Variants in MCUB observed in about 807,000 individuals in gnomAD.
MCUB encodes the protein calcium uniporter regulatory subunit MCUb, mitochondrial.
A neutral mutation model predicts 41.4 loss-of-function variants in MCUB; 46 were observed. The observed-to-expected ratio is 1.11, with a 90% confidence interval of 0.88 to 1.42. The LOEUF (loss-of-function observed/expected upper bound fraction) is 1.42. Ranked by LOEUF, MCUB falls within the 40% of genes most tolerant of loss-of-function variation. MCUB has a pLI of 0.00. For synonymous variants in MCUB, 148 were observed against 148.2 expected, an observed-to-expected ratio of 1.00 and a Z score of 0.01; for missense variants, 403 against 404.9, an observed-to-expected ratio of 1.00 and a Z score of 0.04.
At chr4:109,567,407 T>C (rs940577344) in intron 1 of MCUB, among the ~76,000 whole-genome samples, 1 of 152,040 alleles carries the variant, frequency 6.6e-6, no homozygotes, top group African/African-American at 2.4e-5. Flanking sequence ...AGTACATACA[T>C]GTTATGTACA....
intron 1 of MCUB, among the ~76,000 whole-genome samples, chr4:109,658,802 C>G (rs1338578289): frequency 1.3e-5 from 2 of 152,198 alleles, no homozygotes; most frequent in Non-Finnish European, 2.9e-5. Context: ...TGGTGTGCTA[C>G]TGCTACAGCA....
chr4:109,655,157 G>C (rs149264217), intron 1 of MCUB, among the ~76,000 whole-genome samples: 1 of 152,156 alleles, frequency 6.6e-6, no homozygotes, highest in African/African-American at 2.4e-5. Context: ...TATTCTAAAG[G>C]ATACAGCTAA....
intron 1 of MCUB, among the ~76,000 whole-genome samples, chr4:109,643,081 C>T (rs561124758): frequency 7.8e-4 from 118 of 151,922 alleles, no homozygotes; most frequent in Non-Finnish European, 1.5e-3. Flanking sequence ...ACGTGAGCCA[C>T]CGCACCCGGC....
intron 5 of MCUB, 101 bp from the exon 6 acceptor site, chr4:109,684,342 G>C: frequency 1.1e-6 from 1 of 888,634 alleles, no homozygotes; most frequent in Non-Finnish European, 1.7e-6. Flanking sequence ...GATTACAGGC[G>C]TGAGCCACCG....
intron 1 of MCUB, among the ~76,000 whole-genome samples, chr4:109,590,289 T>C (rs948446817): frequency 6.6e-6 from 1 of 152,234 alleles, no homozygotes; most frequent in Non-Finnish European, 1.5e-5. Context: ...ACAATTGTCA[T>C]TGCTCTATAA....
chr4:109,674,035 G>T (rs1362105478), intron 4 of MCUB: 1 of 1,320,648 alleles, frequency 7.6e-7, no homozygotes, highest in Non-Finnish European at 1.1e-6. Context: ...CCACATGCGT[G>T]TGGTAGCCCA....
intron 1 of MCUB, among the ~76,000 whole-genome samples, chr4:109,584,676 G>C (rs1269652321): frequency 6.6e-6 from 1 of 152,154 alleles, no homozygotes; most frequent in Non-Finnish European, 1.5e-5. Flanking sequence ...TGGTTTCAAA[G>C]AACATCTTTA....
chr4:109,603,609 G>A (rs1044079360), intron 1 of MCUB, among the ~76,000 whole-genome samples: 1 of 151,758 alleles, frequency 6.6e-6, no homozygotes, highest in African/African-American at 2.4e-5. Context: ...TGTCTGGGAG[G>A]TGAGGAGCGC....
At chr4:109,664,495 G>A in intron 4 of MCUB, 101 bp downstream of exon 4, 1 of 586,056 alleles carries the variant, frequency 1.7e-6, no homozygotes. Flanking sequence ...CGTCGTCATA[G>A]CTCACTGTAA....
intron 1 of MCUB, among the ~76,000 whole-genome samples, chr4:109,610,769 G>A (rs1727993223): frequency 6.6e-6 from 1 of 152,128 alleles, no homozygotes; most frequent in Non-Finnish European, 1.5e-5. Context: ...ATATTGTATA[G>A]CCTATTGTTC....
chr4:109,637,172 T>A (rs144170477), intron 1 of MCUB, among the ~76,000 whole-genome samples: 9 of 152,324 alleles, frequency 5.9e-5, no homozygotes, highest in South Asian at 2.1e-4. Flanking sequence ...TTGAGAAAGA[T>A]ACTCAGTAAA....
intron 1 of MCUB, among the ~76,000 whole-genome samples, chr4:109,567,528 G>C (rs1279003837): frequency 1.5e-5 from 2 of 133,012 alleles, no homozygotes; most frequent in Middle Eastern, 3.4e-3. Flanking sequence ...CAAAAAATTA[G>C]CCAGACATGG....
At chr4:109,651,783 T>G (rs1190371646) in intron 1 of MCUB, among the ~76,000 whole-genome samples, 1 of 152,188 alleles carries the variant, frequency 6.6e-6, no homozygotes, top group Admixed American at 6.5e-5. Context: ...TCTTGATATA[T>G]TTTTTTCTTC....
chr4:109,597,281 G>C (rs566731443), intron 1 of MCUB, among the ~76,000 whole-genome samples: 17 of 152,010 alleles, frequency 1.1e-4, no homozygotes, highest in Non-Finnish European at 2.9e-5. Flanking sequence ...GCCGGGCAGA[G>C]GGGCTCCTCA....
At chr4:109,620,544 T>C (rs1728230346) in intron 1 of MCUB, among the ~76,000 whole-genome samples, 1 of 150,426 alleles carries the variant, frequency 6.6e-6, no homozygotes, top group Non-Finnish European at 1.5e-5. Context: ...GATAAGCGTT[T>C]GCTGAGATCC....
intron 1 of MCUB, among the ~76,000 whole-genome samples, chr4:109,603,193 C>T (rs1727783610): frequency 6.6e-6 from 1 of 152,234 alleles, no homozygotes; most frequent in African/African-American, 2.4e-5. Flanking sequence ...TGCAACCTCC[C>T]TGCCTGATTC....
chr4:109,641,309 T>C (rs1337209858), intron 1 of MCUB, among the ~76,000 whole-genome samples: 5 of 151,712 alleles, frequency 3.3e-5, no homozygotes, highest in African/African-American at 1.2e-4. Flanking sequence ...TTTCACCATG[T>C]TAGCCAGGAT....
At chr4:109,594,430 T>C (rs1727507669) in intron 1 of MCUB, among the ~76,000 whole-genome samples, 1 of 152,166 alleles carries the variant, frequency 6.6e-6, no homozygotes, top group Admixed American at 6.5e-5. Flanking sequence ...GTCATATTAC[T>C]AGACACTGGT....
chr4:109,603,157 A>T (rs547005767), intron 1 of MCUB, among the ~76,000 whole-genome samples: 1 of 152,210 alleles, frequency 6.6e-6, no homozygotes, highest in South Asian at 2.1e-4. Flanking sequence ...CCGAGGCTGG[A>T]CTGTACTGAC....
Sources: allele counts gnomAD v4.1 joint callset (sites outside exome capture counted in the v4.1 genomes callset), GRCh38; gene constraint gnomAD v4.1.1; transcripts MANE v1.5; gene names NCBI Gene and HGNC (gene_info 2026-07-23, HGNC 2026-07-21).